CFAP70: variants seen among roughly 807,000 people sequenced by gnomAD.
CFAP70 encodes cilia- and flagella-associated protein 70.
In CFAP70, 81 loss-of-function variants were observed where a neutral mutation model predicts 137.6. That is an observed-to-expected ratio of 0.59 (90% CI 0.49 to 0.71). CFAP70 has a LOEUF of 0.71. Ranked by LOEUF, CFAP70 falls within the 30% of genes least tolerant of loss-of-function variation. CFAP70 has a pLI of 0.00. For missense variants in CFAP70, 976 were observed against 1,226.7 expected, an observed-to-expected ratio of 0.80 and a Z score of 3.05; for synonymous variants, 382 against 423.6, an observed-to-expected ratio of 0.90 and a Z score of 1.20.
At chr10:73,267,521 G>C (rs2045885380) in intron 25 of CFAP70, among the ~76,000 whole-genome samples, 1 of 152,212 alleles carries the variant, frequency 6.6e-6, no homozygotes, top group Non-Finnish European at 1.5e-5. Flanking sequence ...AAATGAGAAA[G>C]AGACTCCGTC....
chr10:73,316,967 T>C (rs1176734877), intron 9 of CFAP70, among the ~76,000 whole-genome samples: 1 of 152,198 alleles, frequency 6.6e-6, no homozygotes, highest in Non-Finnish European at 1.5e-5. Context: ...GCAAGGCATG[T>C]TTCCTAGCAA....
upstream of CFAP70, among the ~76,000 whole-genome samples, chr10:73,359,479 A>G (rs2054916112): frequency 6.6e-6 from 1 of 152,208 alleles, no homozygotes; most frequent in Non-Finnish European, 1.5e-5. Flanking sequence ...AGGGACTCCC[A>G]TGGGCCAAAT....
chr10:73,326,626 T>C (rs2051460851), intron 8 of CFAP70, among the ~76,000 whole-genome samples: 1 of 151,054 alleles, frequency 6.6e-6, no homozygotes, highest in African/African-American at 2.4e-5. Context: ...AAGAATCAAA[T>C]AGATGCAATA....
intron 12 of CFAP70, among the ~76,000 whole-genome samples, chr10:73,306,190 T>A (rs994468619): frequency 6.6e-6 from 1 of 152,008 alleles, no homozygotes. Flanking sequence ...TTAAGACCTA[T>A]AGGATGCCAT....
intron 8 of CFAP70, 83 bp from the exon 10 acceptor site, chr10:73,323,180 C>T: frequency 7.5e-7 from 1 of 1,334,820 alleles, no homozygotes; most frequent in South Asian, 2.0e-5. Context: ...AGTTCAAAGG[C>T]CTGGTTTTAG....
At chr10:73,354,950 T>C in intron 1 of CFAP70, 115 bp from the exon 2 acceptor site, 1 of 643,666 alleles carries the variant, frequency 1.6e-6, no homozygotes. Flanking sequence ...TCCAGCACTG[T>C]TTTATTCCCC....
At chr10:73,316,332 G>A (rs1042271428) in intron 9 of CFAP70, among the ~76,000 whole-genome samples, 1 of 150,740 alleles carries the variant, frequency 6.6e-6, no homozygotes, top group African/African-American at 2.4e-5. Flanking sequence ...TATTATTGTT[G>A]AAATACTTAG....
intron 19 of CFAP70, among the ~76,000 whole-genome samples, chr10:73,278,778 A>C (rs1325362575): frequency 1.3e-5 from 2 of 151,862 alleles, no homozygotes; most frequent in East Asian, 3.9e-4. Flanking sequence ...CAGGAGATCC[A>C]GTACCATCCT....
At chr10:73,264,741 T>C (rs941966594) in intron 25 of CFAP70, among the ~76,000 whole-genome samples, 2 of 152,234 alleles carry the variant, frequency 1.3e-5, no homozygotes. Flanking sequence ...AAAAGTACCA[T>C]GAGTTAATTA....
exon 11 of CFAP70, chr10:73,311,909 T>A: frequency 6.2e-7 from 1 of 1,613,508 alleles, no homozygotes; most frequent in Non-Finnish European, 8.5e-7. Context: ...TTATACTAGG[T>A]GCCTGCTGAA....
chr10:73,288,962 C>A (rs1019067050), intron 19 of CFAP70, among the ~76,000 whole-genome samples: 4 of 152,206 alleles, frequency 2.6e-5, no homozygotes, highest in Non-Finnish European at 5.9e-5. Context: ...GCATTCTTTG[C>A]AGTTTATCAT....
At chr10:73,270,679 G>A (rs1429154338) in intron 24 of CFAP70, among the ~76,000 whole-genome samples, 2 of 150,400 alleles carry the variant, frequency 1.3e-5, no homozygotes, top group African/African-American at 4.9e-5. Context: ...AGAATTACAG[G>A]TGCCCACCAC....
At chr10:73,302,488 A>G (rs2132011480) in intron 12 of CFAP70, among the ~76,000 whole-genome samples, 1 of 152,298 alleles carries the variant, frequency 6.6e-6, no homozygotes, top group African/African-American at 2.4e-5. Flanking sequence ...GAAGTGAGTT[A>G]CCTGATCAAA....
At chr10:73,313,955 AG>A (rs1315501215) in intron 9 of CFAP70, among the ~76,000 whole-genome samples, 1 of 152,272 alleles carries the variant, frequency 6.6e-6, no homozygotes, top group Admixed American at 6.5e-5. Flanking sequence ...GGATAAAGCA[AG>A]TTTAAAGTTC....
chr10:73,300,391 A>G (rs1181149603), intron 12 of CFAP70, among the ~76,000 whole-genome samples: 1 of 152,200 alleles, frequency 6.6e-6, no homozygotes, highest in Non-Finnish European at 1.5e-5. Context: ...GATCCTATGT[A>G]ATGATATACC....
rs191509942 is a variant in CFAP70, at chr10:73,351,697, C to T, written c.250+1859G>A. ...CCACGCATCTCAGCCTCCCAAAGTT[C>T]TGGGATTACAGGCTTGAGCCACTGT... On this transcript the variant is annotated intron_variant, in intron 3 of 26. Coordinates refer to ENST00000310715, the Ensembl canonical transcript of CFAP70. Among the ~76,000 whole-genome samples, 9 of 152,326 alleles carry T rather than the reference C, an allele frequency of 5.9e-5. No individual in the cohort carries two copies. The East Asian group carries it at 1.7e-3, about 29-fold the overall frequency.
chr10:73,263,016 T>G (rs940027713), intron 25 of CFAP70, among the ~76,000 whole-genome samples: 1 of 152,240 alleles, frequency 6.6e-6, no homozygotes, highest in South Asian at 2.1e-4. Flanking sequence ...AGGAAGTTAG[T>G]ATAGATAGAA....
At chr10:73,331,411 G>T in intron 7 of CFAP70, 135 bp from the exon 9 acceptor site, 1 of 681,518 alleles carries the variant, frequency 1.5e-6, no homozygotes, top group Non-Finnish European at 2.3e-6. Context: ...TCGGCTCAGT[G>T]GCTCATGCCT....
At chr10:73,344,243 C>T (rs1158568515) in intron 5 of CFAP70, among the ~76,000 whole-genome samples, 2 of 152,084 alleles carry the variant, frequency 1.3e-5, no homozygotes, top group African/African-American at 4.8e-5. Context: ...GGATTACAGG[C>T]GTGAGCCACT....
Sources: allele counts gnomAD v4.1 joint callset (sites outside exome capture counted in the v4.1 genomes callset), GRCh38; gene constraint gnomAD v4.1.1; transcripts MANE v1.5; gene names NCBI Gene and HGNC (gene_info 2026-07-23, HGNC 2026-07-21).